The following CFAP276 variants were observed in gnomAD, a reference collection of about 807,000 sequenced individuals.
The protein encoded by CFAP276 is cilia and flagella associated protein 276.
the CFAP276 span, chr1:109,113,564 T>C: frequency 2.6e-5 from 40 of 1,547,346 alleles, 1 homozygote; most frequent in Admixed American, 6.7e-5. Context: ...TAGCCGGTTG[T>C]AAAAGCACGG....
At chr1:109,112,767 G>A in the CFAP276 span, 2 of 1,513,654 alleles carry the variant, frequency 1.3e-6, no homozygotes, top group South Asian at 1.2e-5. Flanking sequence ...GGTCCCAATT[G>A]TTTGGAGCGC....
the CFAP276 span, chr1:109,106,736 G>A: frequency 4.7e-6 from 7 of 1,489,506 alleles, no homozygotes; most frequent in Non-Finnish European, 6.4e-6. Flanking sequence ...GTAGTTGAAT[G>A]TGATCTCAAG....
chr1:109,112,338 A>G, the CFAP276 span, among the ~76,000 whole-genome samples: 3 of 152,200 alleles, frequency 2.0e-5, no homozygotes, highest in African/African-American at 7.2e-5. Context: ...CACTGCCATA[A>G]CTTATACTCA....
the CFAP276 span, chr1:109,108,048 GA>G: frequency 5.4e-5 from 79 of 1,454,708 alleles, 5 homozygotes; most frequent in Non-Finnish European, 7.5e-5. Context: ...CTGCAAAAGA[GA>G]AACCGTATCC....
chr1:109,112,645 G>C, the CFAP276 span: 1 of 1,550,618 alleles, frequency 6.4e-7, no homozygotes, highest in Non-Finnish European at 8.7e-7. Context: ...GTTATCTAAT[G>C]TAGGCTGCTG....
chr1:109,107,191 T>G, the CFAP276 span: 40 of 1,185,754 alleles, frequency 3.4e-5, no homozygotes, highest in Non-Finnish European at 4.1e-5. Flanking sequence ...GGTTCTATTG[T>G]GCTCTACTCT....
the CFAP276 span, chr1:109,112,775 C>G: frequency 3.3e-6 from 5 of 1,499,184 alleles, no homozygotes; most frequent in Admixed American, 1.1e-4. Flanking sequence ...TTGTTTGGAG[C>G]GCTGGTTTCG....
the CFAP276 span, among the ~76,000 whole-genome samples, chr1:109,113,416 A>AGAGAGAGGAGGGAGAGAG: frequency 1.5e-5 from 1 of 68,040 alleles, no homozygotes; most frequent in African/African-American, 8.3e-5. Flanking sequence ...GAGAGAGAGA[A>AGAGAGAGGAGGGAGAGAG]AGAGAGAGAG....
chr1:109,108,095 T>C, the CFAP276 span: 1 of 1,284,186 alleles, frequency 7.8e-7, no homozygotes, highest in Non-Finnish European at 1.1e-6. Flanking sequence ...CTTGCTGATG[T>C]GGTTAGCTTC....
At chr1:109,106,157 A>G in the CFAP276 span, 11 of 1,402,778 alleles carry the variant, frequency 7.8e-6, no homozygotes, top group Non-Finnish European at 1.1e-5. Context: ...CTTTTCTAGG[A>G]AACTTTAAAC....
At chr1:109,107,669 G>A in the CFAP276 span, among the ~76,000 whole-genome samples, 3 of 151,696 alleles carry the variant, frequency 2.0e-5, no homozygotes, top group East Asian at 1.9e-4. Context: ...TGGGAGGATC[G>A]CTTGAGGCCA....
chr1:109,107,240 TCCA>T, the CFAP276 span: 1 of 727,758 alleles, frequency 1.4e-6, no homozygotes, highest in East Asian at 2.5e-5. Context: ...GGGCCTGAAA[TCCA>T]CCAACTCCGT....
the CFAP276 span, chr1:109,113,552 T>C: frequency 1.4e-6 from 2 of 1,473,862 alleles, no homozygotes; most frequent in South Asian, 2.3e-5. Context: ...GGGCTTCTCT[T>C]CTAGCCGGTT....
chr1:109,112,885 C>T, the CFAP276 span: 7 of 730,128 alleles, frequency 9.6e-6, no homozygotes, highest in African/African-American at 1.8e-5. Flanking sequence ...GAGGAAGCTC[C>T]GGGGACTGCA....
At chr1:109,112,466 G>A in the CFAP276 span, 40 of 1,326,250 alleles carry the variant, frequency 3.0e-5, no homozygotes, top group Non-Finnish European at 3.9e-5. Context: ...GAGGCAGGCA[G>A]AAAACAGACT....
the CFAP276 span, chr1:109,106,879 GATGTAAAA>G: frequency 4.6e-6 from 4 of 872,994 alleles, no homozygotes; most frequent in African/African-American, 5.1e-5. Flanking sequence ...TATAGACACA[GATGTAAAA>G]ATACAGAAAT....
chr1:109,108,201 G>C, the CFAP276 span, among the ~76,000 whole-genome samples: 2 of 152,214 alleles, frequency 1.3e-5, no homozygotes, highest in East Asian at 3.9e-4. Flanking sequence ...GGAGTGCAGT[G>C]GCGAGATCTC....
At chr1:109,112,489 G>A in the CFAP276 span, 1 of 1,406,968 alleles carries the variant, frequency 7.1e-7, no homozygotes, top group Non-Finnish European at 9.4e-7. Context: ...CCTGGTACCC[G>A]ACTGAGTGTC....
the CFAP276 span, among the ~76,000 whole-genome samples, chr1:109,109,079 C>T: frequency 6.6e-6 from 1 of 152,116 alleles, no homozygotes; most frequent in South Asian, 2.1e-4. Context: ...TAGCACACTA[C>T]CTAACACATG....
Sources: gnomAD v4.1 joint callset for allele counts (sites outside exome capture counted in the v4.1 genomes callset) on GRCh38, gnomAD v4.1.1 for gene constraint, MANE v1.5 for transcripts, NCBI Gene and HGNC (gene_info 2026-07-23, HGNC 2026-07-21) for gene names.